Variants in CDH12 observed in about 807,000 individuals in gnomAD.
The protein encoded by CDH12 is cadherin 12.
In CDH12, 41 loss-of-function variants were observed where a neutral mutation model predicts 74.1. The observed-to-expected ratio is 0.55, with a 90% CI of 0.43 to 0.72. The LOEUF (loss-of-function observed/expected upper bound fraction) is 0.72, where lower values mean the gene tolerates loss of function less well. Ranked by LOEUF, CDH12 falls within the 30% of genes least tolerant of loss-of-function variation. The pLI, the probability that CDH12 is intolerant of heterozygous loss-of-function variation, is 0.00. For missense variants in CDH12, 945 were observed against 977.2 expected (o/e 0.97, Z 0.44); for synonymous variants, 399 against 355.0 (o/e 1.12, Z -1.39).
At chr5:22,725,249 T>C (rs1375268955) in intron 1 of CDH12, among the ~76,000 whole-genome samples, 1 of 151,920 alleles carries the variant, frequency 6.6e-6, no homozygotes, top group Non-Finnish European at 1.5e-5. Flanking sequence ...TAAAATATTA[T>C]GTGAACGTAT....
intron 3 of CDH12, among the ~76,000 whole-genome samples, chr5:22,386,968 T>A (rs1464808092): frequency 6.6e-6 from 1 of 151,980 alleles, no homozygotes; most frequent in Non-Finnish European, 1.5e-5. Context: ...AAATAGTAAA[T>A]TATCTTAAAT....
chr5:21,927,750 G>C (rs1289345882), intron 6 of CDH12, among the ~76,000 whole-genome samples: 1 of 151,878 alleles, frequency 6.6e-6, no homozygotes, highest in Non-Finnish European at 1.5e-5. Context: ...TGAGATTTCA[G>C]AGTCTGGTTA....
chr5:22,357,198 A>G (rs532683865), intron 3 of CDH12, among the ~76,000 whole-genome samples: 1 of 152,270 alleles, frequency 6.6e-6, no homozygotes, highest in South Asian at 2.1e-4. Flanking sequence ...AAAGATCAGC[A>G]GAATTACAGA....
chr5:22,557,472 C>T (rs1368845234), intron 1 of CDH12, among the ~76,000 whole-genome samples: 1 of 152,020 alleles, frequency 6.6e-6, no homozygotes, highest in East Asian at 1.9e-4. Context: ...GCCAGCAATT[C>T]TGGCAAAGAT....
intron 4 of CDH12, among the ~76,000 whole-genome samples, chr5:22,170,914 G>A (rs1285628372): frequency 6.6e-6 from 1 of 151,750 alleles, no homozygotes; most frequent in Admixed American, 6.6e-5. Flanking sequence ...AGCAGCAGTT[G>A]GTAGCAGTTA....
At chr5:22,462,748 C>A (rs1462705723) in intron 2 of CDH12, among the ~76,000 whole-genome samples, 1 of 152,148 alleles carries the variant, frequency 6.6e-6, no homozygotes, top group African/African-American at 2.4e-5. Flanking sequence ...GAAGCCAGCA[C>A]ACACTGAAAT....
At chr5:22,067,029 C>A (rs1485824767) in intron 5 of CDH12, among the ~76,000 whole-genome samples, 3 of 152,144 alleles carry the variant, frequency 2.0e-5, no homozygotes, top group Non-Finnish European at 4.4e-5. Context: ...TAGCAGTTTG[C>A]TTCTGGCTGG....
chr5:21,931,176 C>T (rs1754819078), intron 6 of CDH12, among the ~76,000 whole-genome samples: 1 of 151,706 alleles, frequency 6.6e-6, no homozygotes, highest in African/African-American at 2.4e-5. Flanking sequence ...ATTAGTATTC[C>T]AGAGCATATG....
At chr5:22,799,395 A>G (rs1748396336) in intron 1 of CDH12, among the ~76,000 whole-genome samples, 2 of 152,160 alleles carry the variant, frequency 1.3e-5, no homozygotes. Context: ...TGGTGATGTA[A>G]ATAAATTCTA....
chr5:21,951,217 CA>C (rs1336117800), intron 6 of CDH12, among the ~76,000 whole-genome samples: 2 of 151,944 alleles, frequency 1.3e-5, no homozygotes, highest in Non-Finnish European at 2.9e-5. Flanking sequence ...TAGAAATAGC[CA>C]CAATCATTTC....
intron 6 of CDH12, among the ~76,000 whole-genome samples, chr5:21,930,746 TTGTAACA>T (rs1358424147): frequency 6.6e-6 from 1 of 152,198 alleles, no homozygotes; most frequent in Non-Finnish European, 1.5e-5. Context: ...CATAAAAAAG[TTGTAACA>T]TACAATTGTT....
intron 3 of CDH12, among the ~76,000 whole-genome samples, chr5:22,263,658 T>C (rs1753602879): frequency 6.6e-6 from 1 of 152,102 alleles, no homozygotes; most frequent in East Asian, 1.9e-4. Flanking sequence ...CTTCTTATCT[T>C]AAAACTTCAT....
chr5:21,789,815 C>A (rs2149905937), intron 10 of CDH12, among the ~76,000 whole-genome samples: 1 of 152,094 alleles, frequency 6.6e-6, no homozygotes, highest in South Asian at 2.1e-4. Flanking sequence ...CGTGATTATC[C>A]TACTTACCCA....
chr5:22,253,717 A>T, intron 3 of CDH12, among the ~76,000 whole-genome samples: 1 of 150,176 alleles, frequency 6.7e-6, no homozygotes, highest in Non-Finnish European at 1.5e-5. Context: ...CTTCTCCTCC[A>T]CCTCTCCTCC....
At chr5:22,384,103 A>C (rs1312634447) in intron 3 of CDH12, among the ~76,000 whole-genome samples, 1 of 152,158 alleles carries the variant, frequency 6.6e-6, no homozygotes, top group Non-Finnish European at 1.5e-5. Flanking sequence ...ATCTGTCTGC[A>C]GATAGCTTTC....
chr5:22,601,373 T>C (rs748786198), intron 1 of CDH12, among the ~76,000 whole-genome samples: 9 of 147,158 alleles, frequency 6.1e-5, no homozygotes, highest in Non-Finnish European at 1.3e-4. Context: ...CATGGACACA[T>C]AGAAGGAACA....
intron 3 of CDH12, among the ~76,000 whole-genome samples, chr5:22,230,060 A>G (rs1405805234): frequency 6.6e-6 from 1 of 152,162 alleles, no homozygotes; most frequent in Non-Finnish European, 1.5e-5. Flanking sequence ...TGAGACAATT[A>G]TTTGGCAATT....
intron 5 of CDH12, among the ~76,000 whole-genome samples, chr5:22,009,468 A>G (rs1215384463): frequency 1.3e-5 from 2 of 152,036 alleles, no homozygotes; most frequent in Non-Finnish European, 2.9e-5. Flanking sequence ...TTTCCCCCCA[A>G]ATTTCTTGAA....
At chr5:22,110,966 C>T (rs766781436) in intron 4 of CDH12, among the ~76,000 whole-genome samples, 21 of 152,124 alleles carry the variant, frequency 1.4e-4, no homozygotes, top group Admixed American at 2.6e-4. Context: ...TATCAGATCT[C>T]CCTCACTGCC....
Sources: allele counts gnomAD v4.1 joint callset (sites outside exome capture counted in the v4.1 genomes callset), GRCh38; gene constraint gnomAD v4.1.1; transcripts MANE v1.5; gene names NCBI Gene and HGNC (gene_info 2026-07-23, HGNC 2026-07-21).